ZNF195: variants seen among roughly 807,000 people sequenced by gnomAD.
The protein encoded by ZNF195 is zinc finger protein 195.
A neutral mutation model predicts 19.5 loss-of-function variants in ZNF195; 11 were observed. The ratio of observed to expected loss-of-function variants is 0.57; its 90% CI spans 0.36 to 0.94. The LOEUF is 0.94. Ranked by LOEUF, ZNF195 falls within the 40% of genes least tolerant of loss-of-function variation. The probability of loss-of-function intolerance (pLI) is 0.01; values close to 1 mark genes in which losing one functional copy is unlikely to be tolerated. For synonymous variants in ZNF195, 214 were observed against 248.1 expected, an observed-to-expected ratio of 0.86 and a Z score of 1.29; for missense variants, 582 against 709.0, an observed-to-expected ratio of 0.82 and a Z score of 2.03.
chr11:3,371,877 T>C (rs537054075), intron 1 of ZNF195, among the ~76,000 whole-genome samples, 174 bp from the exon 2 acceptor site: 1 of 152,330 alleles, frequency 6.6e-6, no homozygotes, highest in Admixed American at 6.5e-5. Flanking sequence ...ACATAAGCAG[T>C]GTATATACAA....
chr11:3,368,524 A>G (rs532014834), intron 3 of ZNF195, among the ~76,000 whole-genome samples: 15 of 152,364 alleles, frequency 9.8e-5, no homozygotes, highest in African/African-American at 3.6e-4. Flanking sequence ...AGATTCAATA[A>G]ACTTCTTATC....
chr11:3,367,732 A>G (rs1189596366), intron 3 of ZNF195, among the ~76,000 whole-genome samples: 1 of 152,082 alleles, frequency 6.6e-6, no homozygotes, highest in Non-Finnish European at 1.5e-5. Flanking sequence ...GGAATAAATC[A>G]TATTATTATT....
At chr11:3,362,042 A>G (rs962512969) in intron 3 of ZNF195, 153 bp from the exon 4 acceptor site, 5 of 446,904 alleles carry the variant, frequency 1.1e-5, no homozygotes, top group African/African-American at 2.0e-5. Context: ...CCTGAGTGAC[A>G]GAATAAATCC....
At chr11:3,370,793 A>C in intron 3 of ZNF195, 182 bp downstream of exon 3, 1 of 563,866 alleles carries the variant, frequency 1.8e-6, no homozygotes, top group Non-Finnish European at 3.2e-6. Context: ...AGCAGAGTCT[A>C]TACAAAATTT....
At chr11:3,377,920 G>A (rs1849543819) in intron 1 of ZNF195, 2 of 986,540 alleles carry the variant, frequency 2.0e-6, no homozygotes, top group Non-Finnish European at 2.4e-6. Context: ...ATAAAAAGGA[G>A]GAGAGGCACA....
In ZNF195 at chr11:3,370,217, T is replaced by C. The variant is rs377559141; in HGVS notation, c.226+758A>G. On this transcript the variant is annotated intron_variant, in intron 3 of 5. Coordinates refer to ENST00000399602, the MANE Select transcript of ZNF195 (RefSeq NM_001130520.3). ...ATATACACACACATATATACACACA[T>C]ATATACACACATATATACATATGCA... 6.6e-5 allele frequency among the ~76,000 whole-genome samples: 10 copies of C among 150,754 alleles called. No individual in the cohort carries two copies. In the East Asian group the frequency reaches 7.7e-4, roughly 12 times the overall value.
At chr11:3,362,452 G>T (rs921867080) in intron 3 of ZNF195, 1 of 388,048 alleles carries the variant, frequency 2.6e-6, no homozygotes, top group African/African-American at 2.0e-5. Context: ...AACATTAAAT[G>T]ATTTAGGGAT....
rs1407716321 is a variant in ZNF195, at chr11:3,373,609, G to C, written c.4-1906C>G. ...CCAGCCATTTCTTTCTCTTTCTCCTGCTTCTCTGGGATTTCCTCTTAGGAA... is the reference window on the plus strand; with the variant it reads ...CCAGCCATTTCTTTCTCTTTCTCCTCCTTCTCTGGGATTTCCTCTTAGGAA... On this transcript the variant is annotated intron_variant, in intron 1 of 5. Transcript: ENST00000399602. 1.9e-6 allele frequency: 3 copies of C among 1,550,610 alleles called. No homozygotes were observed. The South Asian group carries it at 3.6e-5, about 18-fold the overall frequency.
At position 3,373,529 on chromosome 11, in the gene ZNF195, A is replaced by G. The variant is rs773725783; in HGVS notation, c.4-1826T>C. ...GGTTTCCAAATTCTAAACACATGAC[A>G]TTTCAGGAGCAAAAGTGGACACAAC... On this transcript the variant is annotated intron_variant, in intron 1 of 5. Transcript: ENST00000399602. 7 of 1,441,766 alleles carry G rather than the reference A, an allele frequency of 4.9e-6. No homozygotes were observed. In the Admixed American group the frequency reaches 5.9e-5, roughly 12 times the overall value. The allele number at this position is 1,441,766 out of a possible 1,614,324, so 89.3% of individuals were successfully genotyped here. A position where few individuals can be genotyped will look rare whatever the true frequency, so the allele number is the denominator to read the frequency against.
intron 3 of ZNF195, chr11:3,366,923 G>A (rs908216053): frequency 4.4e-6 from 2 of 454,146 alleles, no homozygotes; most frequent in African/African-American, 4.0e-5. Flanking sequence ...AAGTTAGCTG[G>A]GTGTGGCGGT....
intron 3 of ZNF195, among the ~76,000 whole-genome samples, chr11:3,363,936 A>G (rs1848745092): frequency 6.6e-6 from 1 of 152,250 alleles, no homozygotes; most frequent in Non-Finnish European, 1.5e-5. Context: ...CTAAACTAAC[A>G]TATTCATGAA....
chr11:3,362,127 CCAAG>C (rs1848665347), intron 3 of ZNF195: 1 of 334,954 alleles, frequency 3.0e-6, no homozygotes, highest in Admixed American at 3.7e-5. Flanking sequence ...CACAAAACTT[CCAAG>C]CAAGAATAAT....
In ZNF195 at chr11:3,371,003, C is replaced by T; in HGVS notation, c.198G>A (p.Lys66=). ...GATGTCCGTCTGCTGCCTCCTGTCT[C>T]TTCACATTCCAGGGCTCTTTTCGTT... ...LEQRKEPWNV[K]RQEAADGHPE... Residue 66 remains lysine, a synonymous_variant, in exon 3 of 6, where the codon AAG becomes AAA. Coordinates refer to ENST00000399602, the MANE Select transcript of ZNF195 (RefSeq NM_001130520.3). 2.5e-6 allele frequency: 4 copies of T among 1,614,146 alleles called. No individual in the cohort carries two copies. The highest frequency in any genetic ancestry group is 2.5e-6 in the Non-Finnish European group (3 of 1,179,996).
chr11:3,378,971 C>G (rs1849615663), intron 1 of ZNF195, 67 bp downstream of exon 1: 1 of 1,350,428 alleles, frequency 7.4e-7, no homozygotes, highest in Non-Finnish European at 9.7e-7. Flanking sequence ...CGGTTCCTCC[C>G]GAGCCGGTAC....
rs113722759 is a variant in ZNF195 at position 3,360,858 on chromosome 11, T to C, written c.374-70A>G. 3.2e-3 allele frequency: 4,408 copies of C among 1,365,406 alleles called. 126 individuals carry two copies. In the African/African-American group the frequency reaches 0.056, roughly 17 times the overall value. 84.6% of individuals were successfully genotyped at this position (1,365,406 alleles called of 1,614,324 possible). A position where few individuals can be genotyped will look rare whatever the true frequency, so the allele number is the denominator to read the frequency against. ...CTGCAGCCCCCGCTCCTCCGCAGTATAGCATCATGCCTTTAAGAGTACACC... is the reference window on the plus strand; with the variant it reads ...CTGCAGCCCCCGCTCCTCCGCAGTACAGCATCATGCCTTTAAGAGTACACC... On this transcript the variant is annotated intron_variant, in intron 4 of 5. Coordinates refer to ENST00000399602, the MANE Select transcript of ZNF195 (RefSeq NM_001130520.3).
intron 1 of ZNF195, 106 bp from the exon 2 acceptor site, chr11:3,371,809 G>A (rs1849226918): frequency 3.1e-6 from 4 of 1,309,970 alleles, no homozygotes; most frequent in African/African-American, 1.5e-5. Context: ...ATACAATAAG[G>A]TAATTCTTAG....
rs7943767 is a variant in ZNF195, at chr11:3,368,776, T to G, written c.226+2199A>C. 1.3e-5 allele frequency: 6 copies of G among 452,834 alleles called. No individual in the cohort carries two copies. In the Admixed American group the frequency reaches 1.4e-4, roughly 11 times the overall value. The allele number at this position is 452,834 out of a possible 1,614,324, so 28.1% of individuals were successfully genotyped here. On this transcript the variant is annotated intron_variant, in intron 3 of 5. Transcript: ENST00000399602. ...AACAGAGAGCCCAGAATTAAACTCA[T>G]GCATATCCACTTAACTAATCTTTCA...
At chr11:3,369,763 C>A (rs1319067720) in intron 3 of ZNF195, among the ~76,000 whole-genome samples, 1 of 152,168 alleles carries the variant, frequency 6.6e-6, no homozygotes, top group Non-Finnish European at 1.5e-5. Context: ...TCAAAAGGTA[C>A]AAACTTTCAG....
At position 3,379,077 on chromosome 11, in the gene ZNF195, G is replaced by A. The variant is rs766216432; in HGVS notation, c.-37C>T. The A allele has an allele frequency of 8.0e-6, 12 of 1,493,966 alleles. No individual in the cohort carries two copies. Among genetic ancestry groups the A allele is most frequent in the Non-Finnish European group, 9.0e-6 (10 of 1,111,622 alleles). The allele number at this position is 1,493,966 out of a possible 1,614,324, so 92.5% of individuals were successfully genotyped here. A position where few individuals can be genotyped will look rare whatever the true frequency, so the allele number is the denominator to read the frequency against. Reference sequence around the variant, plus strand: ...CAGAGAGCCTGGCGTTTCACTTCTGGATCTCCCGGTGCCTGCGGGTCACAC... The same window carrying A: ...CAGAGAGCCTGGCGTTTCACTTCTGAATCTCCCGGTGCCTGCGGGTCACAC... On this transcript the variant is annotated 5_prime_UTR_variant, in exon 1 of 6. Transcript: ENST00000399602.
Sources: allele counts gnomAD v4.1 joint callset (sites outside exome capture counted in the v4.1 genomes callset), GRCh38; gene constraint gnomAD v4.1.1; transcripts MANE v1.5; gene names NCBI Gene and HGNC (gene_info 2026-07-23, HGNC 2026-07-21).